Variants in CCDC85C observed in about 807,000 individuals in gnomAD.
CCDC85C encodes coiled-coil domain-containing protein 85C.
A neutral mutation model predicts 38.3 loss-of-function variants in CCDC85C; 18 were observed. The observed-to-expected ratio is 0.47, with a 90% confidence interval of 0.33 to 0.70. The LOEUF is 0.70. CCDC85C is among the 30% of genes least tolerant of loss of function. The pLI is 0.03. For missense variants in CCDC85C, 566 were observed against 621.2 expected (o/e 0.91, Z 0.94); for synonymous variants, 264 against 293.8 (o/e 0.90, Z 1.04).
At chr14:99,568,529 C>G (rs1898268913) in intron 1 of CCDC85C, among the ~76,000 whole-genome samples, 1 of 152,114 alleles carries the variant, frequency 6.6e-6, no homozygotes, top group South Asian at 2.1e-4. Flanking sequence ...GACAGCACCC[C>G]CACTACCACA....
In CCDC85C at chr14:99,538,279, C is replaced by T. The variant is rs562463444; in HGVS notation, c.794-2191G>A. ...CCACGCCACAGGTCAGTCTTTAGGA[C>T]CCAGTGTTTCTGGCCACCCTGGGCA... is the stretch of plus-strand genomic sequence containing the variant. On this transcript the variant is annotated intron_variant, in intron 1 of 5. Coordinates refer to ENST00000380243, the MANE Select transcript of CCDC85C (RefSeq NM_001144995.2). Among the ~76,000 whole-genome samples, 78 of 152,364 alleles carry T rather than the reference C, an allele frequency of 5.1e-4. 1 individual carries two copies. Among genetic ancestry groups the T allele is most frequent in the African/African-American group, 1.8e-3 (76 of 41,590 alleles).
At chr14:99,568,866 G>C (rs946501612) in intron 1 of CCDC85C, among the ~76,000 whole-genome samples, 1 of 152,246 alleles carries the variant, frequency 6.6e-6, no homozygotes, top group Admixed American at 6.5e-5. Context: ...GCATGTCACA[G>C]ACAGAAAGGG....
chr14:99,539,985 T>C (rs1397050865), intron 1 of CCDC85C, among the ~76,000 whole-genome samples: 2 of 152,004 alleles, frequency 1.3e-5, no homozygotes, highest in Admixed American at 6.5e-5. Flanking sequence ...CCATCTCTAC[T>C]AAAAATATAA....
At chr14:99,592,199 T>C (rs1216202659) in intron 1 of CCDC85C, among the ~76,000 whole-genome samples, 1 of 152,234 alleles carries the variant, frequency 6.6e-6, no homozygotes, top group African/African-American at 2.4e-5. Context: ...TACAGCTGCA[T>C]GTCATTTAAT....
At chr14:99,585,555 T>C (rs980398828) in intron 1 of CCDC85C, among the ~76,000 whole-genome samples, 11 of 152,198 alleles carry the variant, frequency 7.2e-5, no homozygotes, top group Admixed American at 6.5e-5. Context: ...AAGTGCTGAG[T>C]GACTGTTAGC....
intron 1 of CCDC85C, among the ~76,000 whole-genome samples, chr14:99,598,942 C>A (rs1219927994): frequency 6.6e-6 from 1 of 152,164 alleles, no homozygotes; most frequent in African/African-American, 2.4e-5. Context: ...AAGGCCAGCC[C>A]TCCTTTCTGA....
chr14:99,508,190 C>T lies in CCDC85C; in HGVS notation c.*7056G>A, dbSNP rs976589005. ...TGTTTGTGCTTTGGGAGAACAGAGG[C>T]GTCATTTTCCACTTTGGGGCCAAAT... On this transcript the variant is annotated 3_prime_UTR_variant, in exon 6 of 6. Transcript: ENST00000380243. 9 of 152,226 alleles carry T rather than the reference C, an allele frequency of 5.9e-5. No homozygotes were observed. Among genetic ancestry groups the T allele is most frequent in the Non-Finnish European group, 1.2e-4 (8 of 68,040 alleles). The allele number at this position is 152,226 out of a possible 1,614,324, so 9.4% of individuals were successfully genotyped here. A position where few individuals can be genotyped will look rare whatever the true frequency, so the allele number is the denominator to read the frequency against.
intron 1 of CCDC85C, among the ~76,000 whole-genome samples, chr14:99,540,558 G>C (rs1897692684): frequency 6.6e-6 from 1 of 152,220 alleles, no homozygotes; most frequent in Non-Finnish European, 1.5e-5. Flanking sequence ...CCACAGGGGA[G>C]GGGACATCAT....
Position 99,519,099 on chromosome 14 carries a change from C to CTT in CCDC85C, c.976-1918_976-1917dup, listed in dbSNP as rs59524541. 8.4e-4 allele frequency among the ~76,000 whole-genome samples: 44 copies of CTT among 52,222 alleles called. 3 individuals carry two copies. The highest frequency in any genetic ancestry group is 9.2e-4 in the Non-Finnish European group (28 of 30,376). 34.3% of individuals were successfully genotyped at this position (52,222 alleles called of 152,430 possible). A position where few individuals can be genotyped will look rare whatever the true frequency, so the allele number is the denominator to read the frequency against. ...TATCTTTTTACATGTTCATACATGC[C>CTT]TTTTTTTTTTTTTTTTTTTTTTTTT... On this transcript the variant is annotated intron_variant, in intron 3 of 5. Coordinates refer to ENST00000380243, the MANE Select transcript of CCDC85C (RefSeq NM_001144995.2).
intron 2 of CCDC85C, among the ~76,000 whole-genome samples, chr14:99,524,939 G>A (rs1005543635): frequency 2.6e-5 from 4 of 152,330 alleles, no homozygotes; most frequent in African/African-American, 9.6e-5. Flanking sequence ...TGCCAGCTCA[G>A]AGCTCAAACA....
At position 99,510,265 on chromosome 14, in the gene CCDC85C, C is replaced by A; in HGVS notation, c.*4981G>T. 1 of 1,560,676 alleles carries A rather than the reference C, an allele frequency of 6.4e-7. No individual in the cohort carries two copies. The highest frequency in any genetic ancestry group is 1.2e-5 in the South Asian group (1 of 86,120). On this transcript the variant is annotated 3_prime_UTR_variant, in exon 6 of 6. Coordinates refer to ENST00000380243, the MANE Select transcript of CCDC85C (RefSeq NM_001144995.2). ...ATTCCCCCTCCGGCCCACCCGGCCC[C>A]TGTGCACCAGCCACCGCCGCTGCCA... is the stretch of plus-strand genomic sequence containing the variant.
chr14:99,519,337 G>GA (rs1227255830), intron 3 of CCDC85C, among the ~76,000 whole-genome samples: 11 of 141,612 alleles, frequency 7.8e-5, no homozygotes, highest in Non-Finnish European at 1.4e-4. Flanking sequence ...GGCTGGTCTT[G>GA]AACTCCTGGA....
At position 99,503,264 on chromosome 14, in the gene CCDC85C, G is replaced by A. The variant is rs185867403; in HGVS notation, c.*11982C>T. The A allele has an allele frequency of 1.0e-3, 635 of 633,152 alleles. 4 individuals are homozygous for A. In the African/African-American group the frequency reaches 0.011, roughly 11 times the overall value. 39.2% of individuals were successfully genotyped at this position (633,152 alleles called of 1,614,324 possible). ...TGAAGCCTGTCGGTGTCGTTGCCGTGTCCTAGCAGTGTCGTTGTGCATGCT... is the reference window on the plus strand; with the variant it reads ...TGAAGCCTGTCGGTGTCGTTGCCGTATCCTAGCAGTGTCGTTGTGCATGCT... On this transcript the variant is annotated 3_prime_UTR_variant, in exon 6 of 6. Coordinates refer to ENST00000380243, the MANE Select transcript of CCDC85C (RefSeq NM_001144995.2).
At chr14:99,575,095 C>A (rs781038273) in intron 1 of CCDC85C, among the ~76,000 whole-genome samples, 1 of 152,192 alleles carries the variant, frequency 6.6e-6, no homozygotes, top group Admixed American at 6.5e-5. Context: ...CCAGCCTCCA[C>A]GGGGATGGTC....
At chr14:99,586,236 G>A (rs929416995) in intron 1 of CCDC85C, among the ~76,000 whole-genome samples, 3 of 152,216 alleles carry the variant, frequency 2.0e-5, no homozygotes, top group Non-Finnish European at 2.9e-5. Flanking sequence ...GCTCAGAGAC[G>A]CCAGGCCCCA....
Position 99,515,113 on chromosome 14 carries a change from G to A in CCDC85C, c.*133C>T, listed in dbSNP as rs902737658. 1 of 644,498 alleles carries A rather than the reference G, an allele frequency of 1.6e-6. No homozygotes were observed. The highest frequency in any genetic ancestry group is 2.6e-6 in the Non-Finnish European group (1 of 380,842). 39.9% of individuals were successfully genotyped at this position (644,498 alleles called of 1,614,324 possible). On this transcript the variant is annotated 3_prime_UTR_variant, in exon 6 of 6. Coordinates refer to ENST00000380243, the MANE Select transcript of CCDC85C (RefSeq NM_001144995.2). Reference sequence around the variant, plus strand: ...ACCCATGGCAGCTGGGCCAGGGCGGGCAGCGTCCTATGTACAGTTCACCAC... The same window carrying A: ...ACCCATGGCAGCTGGGCCAGGGCGGACAGCGTCCTATGTACAGTTCACCAC...
chr14:99,577,920 G>GTC lies in CCDC85C; in HGVS notation c.793+25246_793+25247insGA, dbSNP rs1491062827. Among the ~76,000 whole-genome samples the GTC allele has an allele frequency of 7.4e-4, 77 of 104,238 alleles. 1 individual carries two copies. The highest frequency in any genetic ancestry group is 3.7e-3 in the African/African-American group (77 of 20,990). The allele number at this position is 104,238 out of a possible 152,430, so 68.4% of individuals were successfully genotyped here. On this transcript the variant is annotated intron_variant, in intron 1 of 5. Coordinates refer to ENST00000380243, the MANE Select transcript of CCDC85C (RefSeq NM_001144995.2). ...AGCCCATCCTGTATCCCCCATCAGT[G>GTC]TGTGTGTGTGTGTGTGTGTGTGTAC...
At chr14:99,593,960 G>A (rs1042546526) in intron 1 of CCDC85C, among the ~76,000 whole-genome samples, 3 of 144,538 alleles carry the variant, frequency 2.1e-5, no homozygotes, top group Non-Finnish European at 4.5e-5. Context: ...ATTATTCAGG[G>A]GAAATGGGGA....
intron 5 of CCDC85C, among the ~76,000 whole-genome samples, chr14:99,515,800 G>A (rs2139895198): frequency 6.6e-6 from 1 of 152,186 alleles, no homozygotes; most frequent in East Asian, 1.9e-4. Context: ...CTCCTGCTCT[G>A]AGCACCATCT....
Sources: gnomAD v4.1 joint callset for allele counts (sites outside exome capture counted in the v4.1 genomes callset) on GRCh38, gnomAD v4.1.1 for gene constraint, MANE v1.5 for transcripts, NCBI Gene and HGNC (gene_info 2026-07-23, HGNC 2026-07-21) for gene names.